CHD1: variants seen among roughly 807,000 people sequenced by gnomAD.
The protein encoded by CHD1 is ATP-dependent chromatin remodeler CHD1.
A neutral mutation model predicts 224.2 loss-of-function variants in CHD1; 36 were observed. The observed-to-expected ratio is 0.16, with a 90% CI of 0.12 to 0.21. The LOEUF is 0.21. Among genes scored for constraint, CHD1 ranks in the 10% least tolerant of loss-of-function variants. The pLI, the probability that CHD1 is intolerant of heterozygous loss-of-function variation, is 1.00. For synonymous variants in CHD1, 668 were observed against 658.3 expected (o/e 1.01, Z -0.23); for missense variants, 1,378 against 1,994.8 (o/e 0.69, Z 5.89).
chr5:98,873,564 C>A lies in CHD1; in HGVS notation c.3571+29G>T, dbSNP rs370006529. The A allele has an allele frequency of 7.9e-6, 12 of 1,526,052 alleles. No individual in the cohort carries two copies. In the African/African-American group the frequency reaches 1.4e-4, roughly 18 times the overall value. 94.5% of individuals were successfully genotyped at this position (1,526,052 alleles called of 1,614,324 possible). A position where few individuals can be genotyped will look rare whatever the true frequency, so the allele number is the denominator to read the frequency against. On this transcript the variant is annotated intron_variant, in intron 26 of 35. Coordinates refer to ENST00000614616, the MANE Select transcript of CHD1 (RefSeq NM_001270.4). ...TATTTTGAAGCTTTCATTTACTTCTCTTTTAAATCACTCTCAGTTTAATGT... is the reference window on the plus strand; with the variant it reads ...TATTTTGAAGCTTTCATTTACTTCTATTTTAAATCACTCTCAGTTTAATGT...
intron 15 of CHD1, among the ~76,000 whole-genome samples, chr5:98,891,813 AAAAC>A (rs1409101824): frequency 2.0e-5 from 3 of 152,220 alleles, no homozygotes; most frequent in Non-Finnish European, 4.4e-5. Context: ...TCCGTCTCAA[AAAAC>A]AAACAAACAA....
At chr5:98,890,934 A>G (rs1420314935) in intron 15 of CHD1, among the ~76,000 whole-genome samples, 1 of 152,238 alleles carries the variant, frequency 6.6e-6, no homozygotes, top group Non-Finnish European at 1.5e-5. Context: ...ATATGAACCT[A>G]TCTCAATCCC....
rs554050129 is a variant in CHD1, at chr5:98,860,173, C to G, written c.4428-105G>C. On this transcript the variant is annotated intron_variant, in intron 32 of 35. Coordinates refer to ENST00000614616, the MANE Select transcript of CHD1 (RefSeq NM_001270.4). ...AGGCACAAACACATATACACATACACAGCCCTCTATGGAACAAACTCTTAA... is the reference window on the plus strand; with the variant it reads ...AGGCACAAACACATATACACATACAGAGCCCTCTATGGAACAAACTCTTAA... The G allele has an allele frequency of 1.3e-5, 9 of 701,806 alleles. No homozygotes were observed. In the South Asian group the frequency reaches 1.3e-4, roughly 10 times the overall value. 43.5% of individuals were successfully genotyped at this position (701,806 alleles called of 1,614,324 possible). A position where few individuals can be genotyped will look rare whatever the true frequency, so the allele number is the denominator to read the frequency against.
In CHD1 at chr5:98,904,912, T is replaced by G. The variant is rs777894710; in HGVS notation, c.240A>C (p.Lys80Asn). The part of the protein sequence containing the change: ...RENKVQAKPP[K>N]VDGAEFWKSS... The stretch of plus-strand genomic sequence containing the variant: ...TATTGATTACCTCAGCTCCATCAAC[T>G]TTCGGTGGTTTTGCTTGAACTTTGT... The change falls in exon 3 of 36, where the codon AAA becomes AAC. Residue 80 changes from lysine to asparagine, a missense_variant. By Grantham distance (94) the Lys-to-Asn change is moderately conservative. Transcript: ENST00000614616. 23 of 1,613,946 alleles carry G rather than the reference T, an allele frequency of 1.4e-5. No individual in the cohort carries two copies. The Admixed American group carries it at 2.5e-4, about 18-fold the overall frequency.
chr5:98,904,746 C>T, intron 3 of CHD1, 151 bp downstream of exon 3: 1 of 702,338 alleles, frequency 1.4e-6, no homozygotes, highest in Non-Finnish European at 2.4e-6. Context: ...CACAGGTGTA[C>T]CACCATGAAT....
chr5:98,892,851 T>A (rs1262637047), intron 14 of CHD1, 138 bp from the exon 15 acceptor site: 1 of 495,486 alleles, frequency 2.0e-6, no homozygotes, highest in Non-Finnish European at 3.5e-6. Context: ...CTAAACTTAG[T>A]TACCTCTAAA....
intron 32 of CHD1, among the ~76,000 whole-genome samples, 159 bp downstream of exon 32, chr5:98,863,249 T>A (rs1418543640): frequency 6.6e-6 from 1 of 151,894 alleles, no homozygotes; most frequent in Non-Finnish European, 1.5e-5. Context: ...AATAAAAAAA[T>A]TTAACATTAA....
chr5:98,859,074 GCA>G lies in CHD1; in HGVS notation c.4525-61_4525-60del, dbSNP rs1387156178. Reference sequence around the variant, plus strand: ...GGTGACTTCACAAACTTACAAAAAAGCACAGATAATTCTTAGAAAATACTGAT... The same window carrying G: ...GGTGACTTCACAAACTTACAAAAAAGCAGATAATTCTTAGAAAATACTGAT... On this transcript the variant is annotated intron_variant, in intron 33 of 35. Coordinates refer to ENST00000614616, the MANE Select transcript of CHD1 (RefSeq NM_001270.4). 13 of 1,326,250 alleles carry G rather than the reference GCA, an allele frequency of 9.8e-6. No homozygotes were observed. The African/African-American group carries it at 1.2e-4, about 12-fold the overall frequency. The allele number at this position is 1,326,250 out of a possible 1,614,324, so 82.2% of individuals were successfully genotyped here.
At chr5:98,927,639 T>C (rs944820885) in intron 1 of CHD1, among the ~76,000 whole-genome samples, 1 of 152,204 alleles carries the variant, frequency 6.6e-6, no homozygotes, top group Non-Finnish European at 1.5e-5. Flanking sequence ...AATATTAATC[T>C]CAACCCTAGT....
rs1419830270 is a variant in CHD1, at chr5:98,901,080, G to C, written c.590C>G (p.Ser197Cys). Residue 197 changes from serine to cysteine, a missense_variant and splice_region_variant, in exon 7 of 36, where the codon TCT (serine) becomes TGT (cysteine). By Grantham distance (112) the Ser-to-Cys change is moderately radical. Transcript: ENST00000614616. ...KVKSRKPQNR[S>C]KSKNGKKILG... The stretch of plus-strand genomic sequence containing the variant: ...AATCTTCTTTCCATTTTTTGACTTA[G>C]ATCTAGGAAAGTGCAAAGAGAAAAA... 1 of 1,583,878 alleles carries C rather than the reference G, an allele frequency of 6.3e-7. No homozygotes were observed. The highest frequency in any genetic ancestry group is 1.7e-4 in the Middle Eastern group (1 of 5,882).
chr5:98,922,081 G>C (rs1199494940), intron 2 of CHD1, among the ~76,000 whole-genome samples: 1 of 152,102 alleles, frequency 6.6e-6, no homozygotes, highest in Admixed American at 6.6e-5. Context: ...GAACACAGGA[G>C]ACGGAGGCTG....
chr5:98,871,716 T>C (rs1036209920), intron 28 of CHD1, among the ~76,000 whole-genome samples: 5 of 152,194 alleles, frequency 3.3e-5, no homozygotes, highest in Non-Finnish European at 7.4e-5. Context: ...TATATGATTG[T>C]ATCAAATTAT....
At chr5:98,876,599 A>G in intron 23 of CHD1, 41 bp from the exon 24 acceptor site, 20 of 1,553,430 alleles carry the variant, frequency 1.3e-5, no homozygotes, top group Non-Finnish European at 1.8e-5. Context: ...GTGTAAAAAC[A>G]GCTTGTATCT....
intron 12 of CHD1, 53 bp downstream of exon 12, chr5:98,896,173 G>C (rs1751334111): frequency 2.8e-6 from 4 of 1,453,020 alleles, no homozygotes; most frequent in Non-Finnish European, 3.9e-6. Flanking sequence ...AAAAACACTT[G>C]ATCTCAAAGA....
chr5:98,915,281 A>G (rs1200775137), intron 2 of CHD1, among the ~76,000 whole-genome samples: 1 of 152,226 alleles, frequency 6.6e-6, no homozygotes, highest in African/African-American at 2.4e-5. Flanking sequence ...AGTTCCTTTC[A>G]GCATTCTAAA....
At chr5:98,911,146 A>AATATATATATATATATATATATATATAT (rs1158932549) in intron 2 of CHD1, among the ~76,000 whole-genome samples, 5 of 39,128 alleles carry the variant, frequency 1.3e-4, no homozygotes, top group Admixed American at 3.0e-4. Context: ...AAAAAAAAAA[A>AATATATATATATATATATATATATATAT]ATATATATAT....
At chr5:98,885,859 C>G in intron 17 of CHD1, 1 of 502,196 alleles carries the variant, frequency 2.0e-6, no homozygotes, top group Non-Finnish European at 3.5e-6. Flanking sequence ...AGAGTAAATA[C>G]AGCATAGGCT....
rs373398293 is a variant in CHD1, at chr5:98,900,536, T to C, written c.859+275A>G. On this transcript the variant is annotated intron_variant, in intron 7 of 35. Transcript: ENST00000614616. ...CTCACTGCAACCTCAGCCTCGTGGG[T>C]TCAAGCAATTCCCTTGCCTCGGCTT... Among the ~76,000 whole-genome samples the C allele has an allele frequency of 3.3e-5, 5 of 149,342 alleles. No homozygotes were observed. The East Asian group carries it at 1.0e-3, about 30-fold the overall frequency.
intron 30 of CHD1, chr5:98,869,069 C>T (rs929595528): frequency 1.3e-5 from 12 of 909,752 alleles, no homozygotes; most frequent in Non-Finnish European, 1.6e-5. Context: ...TTTGTTTTCT[C>T]TTTTTTCTTT....
Sources: gnomAD v4.1 joint callset for allele counts (sites outside exome capture counted in the v4.1 genomes callset) on GRCh38, gnomAD v4.1.1 for gene constraint, MANE v1.5 for transcripts, NCBI Gene and HGNC (gene_info 2026-07-23, HGNC 2026-07-21) for gene names.